Variants in PALM2AKAP2 observed in about 807,000 individuals in gnomAD.
PALM2AKAP2 encodes the protein PALM2 and AKAP2 fusion.
In PALM2AKAP2, 37 loss-of-function variants were observed where a neutral mutation model predicts 71.5. That is an observed-to-expected ratio of 0.52 (90% CI 0.40 to 0.68). The LOEUF (loss-of-function observed/expected upper bound fraction) is 0.68. Ranked by LOEUF, PALM2AKAP2 falls within the 30% of genes least tolerant of loss-of-function variation. PALM2AKAP2 has a pLI of 0.00. For synonymous variants in PALM2AKAP2, 468 were observed against 478.8 expected (o/e 0.98, Z 0.29); for missense variants, 1,224 against 1,191.8 (o/e 1.03, Z -0.40).
chr9:109,737,190 C>T (rs765605624), intron 1 of PALM2AKAP2, among the ~76,000 whole-genome samples: 12 of 152,174 alleles, frequency 7.9e-5, no homozygotes, highest in African/African-American at 2.9e-4. Context: ...ATCCTGGAAA[C>T]GCTATGATTA....
chr9:110,054,465 C>G (rs1035718879), intron 1 of PALM2AKAP2, among the ~76,000 whole-genome samples: 3 of 152,102 alleles, frequency 2.0e-5, no homozygotes, highest in African/African-American at 7.2e-5. Context: ...TATGGAAGCA[C>G]CTTGTACATG....
intron 6 of PALM2AKAP2, among the ~76,000 whole-genome samples, chr9:109,965,695 C>T (rs952422852): frequency 6.6e-6 from 1 of 151,888 alleles, no homozygotes; most frequent in African/African-American, 2.4e-5. Flanking sequence ...TTAATGCTAT[C>T]GAACTGTAAA....
At chr9:109,880,640 G>A (rs778782143) in exon 3 of PALM2AKAP2, 6 of 1,613,964 alleles carry the variant, frequency 3.7e-6, no homozygotes, top group Admixed American at 1.7e-5. Context: ...AGTCTGAAGA[G>A]GATGAGTTCA....
intron 1 of PALM2AKAP2, among the ~76,000 whole-genome samples, chr9:110,049,392 GT>G (rs1833665843): frequency 6.6e-6 from 1 of 152,156 alleles, no homozygotes; most frequent in African/African-American, 2.4e-5. Context: ...CCCGGCCCCG[GT>G]CCCGGCCCCA....
intron 1 of PALM2AKAP2, among the ~76,000 whole-genome samples, chr9:109,711,626 A>G (rs1047154363): frequency 2.0e-5 from 3 of 152,256 alleles, no homozygotes; most frequent in African/African-American, 7.2e-5. Flanking sequence ...CAGGCACCTG[A>G]CATAACAGAG....
At chr9:109,693,227 T>C (rs527907814) in intron 1 of PALM2AKAP2, among the ~76,000 whole-genome samples, 1 of 152,062 alleles carries the variant, frequency 6.6e-6, no homozygotes, top group Non-Finnish European at 1.5e-5. Flanking sequence ...TTTAAAAAAT[T>C]GCCAATTTAA....
At chr9:109,788,807 G>A (rs887483446) in intron 1 of PALM2AKAP2, among the ~76,000 whole-genome samples, 2 of 152,138 alleles carry the variant, frequency 1.3e-5, no homozygotes, top group South Asian at 2.1e-4. Flanking sequence ...GTGCGGTGGC[G>A]CACTCCCATA....
At chr9:109,664,557 T>G (rs1447423266) in intron 1 of PALM2AKAP2, among the ~76,000 whole-genome samples, 3 of 152,366 alleles carry the variant, frequency 2.0e-5, no homozygotes, top group African/African-American at 7.2e-5. Context: ...CTAAGAGATC[T>G]GCTGTTAGTC....
intron 7 of PALM2AKAP2, among the ~76,000 whole-genome samples, chr9:110,017,813 C>T (rs371466532): frequency 1.1e-4 from 16 of 151,770 alleles, no homozygotes; most frequent in East Asian, 5.8e-4. Flanking sequence ...CTGCAACATC[C>T]GCCTCCTGGG....
chr9:109,669,066 C>G (rs1827535084), intron 1 of PALM2AKAP2, among the ~76,000 whole-genome samples: 1 of 152,124 alleles, frequency 6.6e-6, no homozygotes, highest in Admixed American at 6.5e-5. Context: ...ATTTGGCTTG[C>G]AATCGATGAA....
At chr9:109,978,359 A>G (rs984052335) in intron 6 of PALM2AKAP2, among the ~76,000 whole-genome samples, 13 of 152,088 alleles carry the variant, frequency 8.5e-5, no homozygotes, top group Admixed American at 7.9e-4. Flanking sequence ...GGGCTCATCT[A>G]TTCACCCCCA....
At chr9:109,777,483 G>T (rs1829365107), upstream of PALM2AKAP2, among the ~76,000 whole-genome samples, 1 of 152,160 alleles carries the variant, frequency 6.6e-6, no homozygotes, top group South Asian at 2.1e-4. Flanking sequence ...CTATGTTCCT[G>T]TTCTCCACCT....
At chr9:109,802,270 A>G (rs148304730) in intron 1 of PALM2AKAP2, among the ~76,000 whole-genome samples, 21 of 152,332 alleles carry the variant, frequency 1.4e-4, no homozygotes, top group Admixed American at 6.5e-4. Flanking sequence ...GGCTGGCTTC[A>G]TCAGCACGTG....
intron 7 of PALM2AKAP2, among the ~76,000 whole-genome samples, chr9:110,032,018 C>T (rs1167054250): frequency 6.9e-6 from 1 of 145,068 alleles, no homozygotes; most frequent in African/African-American, 2.6e-5. Flanking sequence ...ATGATAAAAC[C>T]GAACAGCCTT....
intron 1 of PALM2AKAP2, among the ~76,000 whole-genome samples, chr9:110,112,848 G>C (rs491356): frequency 6.6e-6 from 1 of 152,138 alleles, no homozygotes; most frequent in Admixed American, 6.5e-5. Context: ...CAAGAGTACT[G>C]ACCTCCTACG....
In PALM2AKAP2 at chr9:110,156,405, G is replaced by A. The variant is rs755671487; in HGVS notation, c.2656G>A (p.Gly886Arg). The change falls in exon 3 of 4, where the codon GGA (glycine) becomes AGA (arginine). Residue 886 changes from glycine (G) to arginine (R), a missense_variant. Gly to Arg is a moderately radical substitution (Grantham distance 125). Transcript: ENST00000374525. Reference sequence around the variant, plus strand: ...TGACTTAGCCCCTGAAGAGGCTGCCGGAACCCAGCGGCCCAAGAATCTGAT... The same window carrying A: ...TGACTTAGCCCCTGAAGAGGCTGCCAGAACCCAGCGGCCCAAGAATCTGAT... The A allele has an allele frequency of 4.3e-6, 7 of 1,612,970 alleles. No homozygotes were observed. The highest frequency in any genetic ancestry group is 2.2e-5 in the East Asian group (1 of 44,846).
intron 1 of PALM2AKAP2, among the ~76,000 whole-genome samples, chr9:109,745,473 C>T (rs1828785318): frequency 6.6e-6 from 1 of 150,718 alleles, no homozygotes; most frequent in Non-Finnish European, 1.5e-5. Context: ...CTTAAGTCGA[C>T]TCTAGTGGCT....
intron 1 of PALM2AKAP2, chr9:109,640,874 T>A: frequency 6.6e-7 from 1 of 1,514,842 alleles, no homozygotes; most frequent in Non-Finnish European, 8.8e-7. Context: ...GGAGTGAGTA[T>A]CCCCGAGCCG....
rs545381885 is a variant in PALM2AKAP2, at chr9:109,693,168, T to TAC, written c.5+52303_5+52304insCA. On this transcript the variant is annotated intron_variant, in intron 1 of 6. Transcript: ENST00000374531. Reference sequence around the variant, plus strand: ...AATTTATTTAATAGATATAGGCCTATAGGTTATTTATTTATTTATTTCTTG... The same window carrying TAC: ...AATTTATTTAATAGATATAGGCCTATACAGGTTATTTATTTATTTATTTCTTG... 1.2e-3 allele frequency among the ~76,000 whole-genome samples: 177 copies of TAC among 152,070 alleles called. 1 individual carries two copies. Among genetic ancestry groups the TAC allele is most frequent in the African/African-American group, 4.0e-3 (166 of 41,558 alleles).
Sources: gnomAD v4.1 joint callset for allele counts (sites outside exome capture counted in the v4.1 genomes callset) on GRCh38, gnomAD v4.1.1 for gene constraint, MANE v1.5 for transcripts, NCBI Gene and HGNC (gene_info 2026-07-23, HGNC 2026-07-21) for gene names.